Variants in VMP1 observed in about 807,000 individuals in gnomAD.
VMP1 encodes the protein vacuole membrane protein 1.
Under a neutral mutation model 56.0 loss-of-function variants are expected in VMP1, and 11 were observed. The ratio of observed to expected loss-of-function variants is 0.20; its 90% confidence interval spans 0.12 to 0.32. VMP1 has a LOEUF of 0.32. Among genes scored for constraint, VMP1 ranks in the 10% least tolerant of loss-of-function variants. The pLI is 1.00. For synonymous variants in VMP1, 149 were observed against 165.0 expected, an observed-to-expected ratio of 0.90 and a Z score of 0.74; for missense variants, 296 against 490.3, an observed-to-expected ratio of 0.60 and a Z score of 3.74.
At chr17:59,817,821 G>A (rs762195860) in intron 10 of VMP1, 48 bp downstream of exon 10, 5 of 1,399,768 alleles carry the variant, frequency 3.6e-6, no homozygotes, top group Middle Eastern at 3.7e-4. Flanking sequence ...CTCTTTAAAT[G>A]GGAGTAAATG....
At chr17:59,748,985 T>TG (rs2035538935) in intron 5 of VMP1, among the ~76,000 whole-genome samples, 1 of 150,774 alleles carries the variant, frequency 6.6e-6, no homozygotes, top group South Asian at 2.1e-4. Context: ...AGTGCAGTGC[T>TG]GGATCCCAGG....
Position 59,793,246 on chromosome 17 carries a change from G to A in VMP1, c.715-15550G>A, listed in dbSNP as rs1436797243. Among the ~76,000 whole-genome samples, 10 of 113,488 alleles carry A rather than the reference G, an allele frequency of 8.8e-5. 1 individual carries two copies. In the East Asian group the frequency reaches 1.0e-3, roughly 11 times the overall value. The allele number at this position is 113,488 out of a possible 152,430, so 74.5% of individuals were successfully genotyped here. Reference sequence around the variant, plus strand: ...TTGGCCAGGCTGGTCTTGAACTCCCGACCTCAGTTGATCTACCTGCCTCAG... The same window carrying A: ...TTGGCCAGGCTGGTCTTGAACTCCCAACCTCAGTTGATCTACCTGCCTCAG... On this transcript the variant is annotated intron_variant, in intron 7 of 11. Transcript: ENST00000262291.
intron 7 of VMP1, among the ~76,000 whole-genome samples, chr17:59,785,810 T>G (rs2036989266): frequency 6.6e-6 from 1 of 152,162 alleles, no homozygotes; most frequent in African/African-American, 2.4e-5. Context: ...AGGTTGAATA[T>G]TTCCTCAAAG....
chr17:59,822,154 A>G (rs2038477768), intron 10 of VMP1, among the ~76,000 whole-genome samples: 1 of 151,846 alleles, frequency 6.6e-6, no homozygotes, highest in African/African-American at 2.4e-5. Context: ...TCTTTTCTAG[A>G]TAATATATTA....
intron 6 of VMP1, among the ~76,000 whole-genome samples, chr17:59,771,935 A>G (rs1211776546): frequency 1.3e-5 from 2 of 151,990 alleles, no homozygotes; most frequent in East Asian, 1.9e-4. Flanking sequence ...ATCCATGTAT[A>G]TATGTCTCTC....
At chr17:59,809,758 G>A (rs554711300) in intron 8 of VMP1, among the ~76,000 whole-genome samples, 49 of 151,760 alleles carry the variant, frequency 3.2e-4, no homozygotes, top group African/African-American at 9.9e-4. Flanking sequence ...CGCCCGCCTC[G>A]GCCTCCCAAA....
At chr17:59,728,295 G>A (rs1020497064) in intron 1 of VMP1, among the ~76,000 whole-genome samples, 3 of 152,124 alleles carry the variant, frequency 2.0e-5, no homozygotes, top group African/African-American at 7.2e-5. Context: ...ATTCTGATCA[G>A]CTAAATATAA....
intron 7 of VMP1, among the ~76,000 whole-genome samples, chr17:59,790,811 G>A (rs751381701): frequency 6.6e-6 from 1 of 152,060 alleles, no homozygotes; most frequent in Non-Finnish European, 1.5e-5. Flanking sequence ...AAGTTTTAAA[G>A]TTTACACTCA....
intron 9 of VMP1, among the ~76,000 whole-genome samples, chr17:59,815,066 A>G (rs967730380): frequency 6.6e-6 from 1 of 152,094 alleles, no homozygotes; most frequent in Non-Finnish European, 1.5e-5. Flanking sequence ...CTTTTTCCTC[A>G]GCTTAAAATT....
chr17:59,807,384 A>C (rs1206824070), intron 7 of VMP1, among the ~76,000 whole-genome samples: 1 of 150,946 alleles, frequency 6.6e-6, no homozygotes, highest in Non-Finnish European at 1.5e-5. Flanking sequence ...TTTTTAGTAG[A>C]TACAAGGTTT....
intron 6 of VMP1, among the ~76,000 whole-genome samples, chr17:59,765,812 A>C (rs1273074253): frequency 6.6e-6 from 1 of 152,004 alleles, no homozygotes; most frequent in Non-Finnish European, 1.5e-5. Context: ...TTGTACTGGC[A>C]CAGTTCAAAT....
chr17:59,757,859 CTTTTTTT>C (rs66605258), intron 5 of VMP1, among the ~76,000 whole-genome samples: 5 of 91,254 alleles, frequency 5.5e-5, no homozygotes, highest in African/African-American at 1.7e-4. Context: ...TTATTTGCCA[CTTTTTTT>C]TTTTTTTTTT....
intron 5 of VMP1, among the ~76,000 whole-genome samples, chr17:59,747,800 T>C (rs1419816036): frequency 6.6e-6 from 1 of 151,542 alleles, no homozygotes; most frequent in Non-Finnish European, 1.5e-5. Flanking sequence ...GAAGTTGAGG[T>C]AGGAAGACTA....
chr17:59,762,314 C>G (rs2036085937), intron 5 of VMP1, among the ~76,000 whole-genome samples: 1 of 152,078 alleles, frequency 6.6e-6, no homozygotes, highest in Non-Finnish European at 1.5e-5. Flanking sequence ...TCAATTAATA[C>G]TATAGCTGTT....
intron 6 of VMP1, among the ~76,000 whole-genome samples, chr17:59,771,520 T>C (rs913973470): frequency 6.6e-6 from 1 of 152,138 alleles, no homozygotes; most frequent in Non-Finnish European, 1.5e-5. Flanking sequence ...TACTTGATCT[T>C]TATTATACCA....
intron 7 of VMP1, among the ~76,000 whole-genome samples, chr17:59,796,695 A>T (rs1226628425): frequency 6.6e-6 from 1 of 152,206 alleles, no homozygotes; most frequent in African/African-American, 2.4e-5. Flanking sequence ...AAAGCTATTC[A>T]TTCCTCGTTT....
At position 59,839,993 on chromosome 17, in the gene VMP1, T is replaced by C; in HGVS notation, c.*82T>C. Reference sequence around the variant, plus strand: ...GAGGACTCCAAGCCGGGAAGGAAAATTCCCTTTTCCAACCTGTATCAATTT... The same window carrying C: ...GAGGACTCCAAGCCGGGAAGGAAAACTCCCTTTTCCAACCTGTATCAATTT... On this transcript the variant is annotated 3_prime_UTR_variant, in exon 12 of 12. Transcript: ENST00000262291. The C allele has an allele frequency of 6.5e-7, 1 of 1,546,238 alleles. No homozygotes were observed. Among genetic ancestry groups the C allele is most frequent in the Non-Finnish European group, 8.7e-7 (1 of 1,145,850 alleles).
intron 8 of VMP1, among the ~76,000 whole-genome samples, chr17:59,810,803 A>G (rs926341266): frequency 6.6e-6 from 1 of 152,266 alleles, no homozygotes; most frequent in African/African-American, 2.4e-5. Context: ...ATGAAATTAT[A>G]TAAATTAATT....
chr17:59,841,263 C>T lies in VMP1; in HGVS notation c.*1352C>T, dbSNP rs372920017. On this transcript the variant is annotated 3_prime_UTR_variant, in exon 12 of 12. Transcript: ENST00000262291. The stretch of plus-strand genomic sequence containing the variant: ...TCGTGACATCTCCATGGCTGTACCA[C>T]CTTGTCGGGTAGCTTATCAGACTGA... 53 of 503,678 alleles carry T rather than the reference C, an allele frequency of 1.1e-4. No individual in the cohort carries two copies. In the Middle Eastern group the frequency reaches 1.6e-3, roughly 16 times the overall value. 31.2% of individuals were successfully genotyped at this position (503,678 alleles called of 1,614,324 possible). A position where few individuals can be genotyped will look rare whatever the true frequency, so the allele number is the denominator to read the frequency against.
Sources: allele counts gnomAD v4.1 joint callset (sites outside exome capture counted in the v4.1 genomes callset), GRCh38; gene constraint gnomAD v4.1.1; transcripts MANE v1.5; gene names NCBI Gene and HGNC (gene_info 2026-07-23, HGNC 2026-07-21).